CDKL5: variants seen among roughly 807,000 people sequenced by gnomAD.
CDKL5 encodes the protein cyclin dependent kinase like 5.
In CDKL5, 8 loss-of-function variants were observed where a neutral mutation model predicts 61.7. The observed-to-expected ratio is 0.13, with a 90% CI of 0.08 to 0.23. The LOEUF is 0.23. Ranked by LOEUF, CDKL5 falls within the 10% of genes least tolerant of loss-of-function variation. CDKL5 has a pLI of 1.00. For missense variants in CDKL5, 440 were observed against 734.5 expected, an observed-to-expected ratio of 0.60 and a Z score of 4.63; for synonymous variants, 275 against 272.3, an observed-to-expected ratio of 1.01 and a Z score of -0.10.
chrX:18,433,366 A>G (rs2147617799), intron 1 of CDKL5, among the ~76,000 whole-genome samples: 3 of 112,126 alleles, frequency 2.7e-5, no homozygotes, highest in South Asian at 7.4e-4. Flanking sequence ...CAGCCTGACC[A>G]ACATGGAGAA....
intron 9 of CDKL5, among the ~76,000 whole-genome samples, chrX:18,594,684 G>A (rs1925933549): frequency 8.9e-6 from 1 of 112,502 alleles, no homozygotes. Flanking sequence ...AGAATCATGT[G>A]TATAAGCAGA....
rs765414055 is a variant in CDKL5 at position 18,530,124 on chromosome X, C to T, written c.99+19270C>T. On this transcript the variant is annotated intron_variant, in intron 3 of 17. Transcript: ENST00000623535. ...CAGGCGGATCACAAGGTCAAAAGAT[C>T]GAGACCATCCTGGCGAACGTGGTGA... Among the ~76,000 whole-genome samples, 19 of 107,760 alleles carry T rather than the reference C, an allele frequency of 1.8e-4. No individual in the cohort carries two copies. The East Asian group carries it at 5.2e-3, about 30-fold the overall frequency. The allele number at this position is 107,760 out of a possible 115,157, so 93.6% of individuals were successfully genotyped here.
chrX:18,428,723 GT>G (rs150749996), intron 1 of CDKL5, among the ~76,000 whole-genome samples: 2,450 of 91,281 alleles, frequency 0.027, 34 homozygotes, highest in Middle Eastern at 0.051. Context: ...AGATTTTAAA[GT>G]TTTTTTTTTT....
At position 18,633,974 on chromosome X, in the gene CDKL5, A is replaced by T; in HGVS notation, c.*5217A>T. 1.3e-6 allele frequency: 1 copy of T among 754,251 alleles called. No homozygotes were observed. Among genetic ancestry groups the T allele is most frequent in the Non-Finnish European group, 1.6e-6 (1 of 639,373 alleles). The allele number at this position is 754,251 out of a possible 1,213,427, so 62.2% of individuals were successfully genotyped here. A position where few individuals can be genotyped will look rare whatever the true frequency, so the allele number is the denominator to read the frequency against. ...GTTTGTCTCATTTTGCCAGAAAAAAATTGTAATAGTCGGCACGCTGGATTT... is the reference window on the plus strand; with the variant it reads ...GTTTGTCTCATTTTGCCAGAAAAAATTTGTAATAGTCGGCACGCTGGATTT... On this transcript the variant is annotated 3_prime_UTR_variant, in exon 18 of 18. Coordinates refer to ENST00000623535, the MANE Select transcript of CDKL5 (RefSeq NM_001323289.2).
intron 17 of CDKL5, 107 bp from the exon 18 acceptor site, chrX:18,628,264 G>T: frequency 5.0e-6 from 4 of 792,688 alleles, no homozygotes; most frequent in Non-Finnish European, 7.7e-6. Context: ...GCACATGCTT[G>T]CCCTTCCTGG....
At chrX:18,620,658 A>G (rs1181287345) in intron 16 of CDKL5, among the ~76,000 whole-genome samples, 1 of 111,856 alleles carries the variant, frequency 8.9e-6, no homozygotes, top group Non-Finnish European at 1.9e-5. Flanking sequence ...GTAGGACAGC[A>G]GCAGGAGTAG....
chrX:18,458,548 C>T (rs757213914), intron 1 of CDKL5, among the ~76,000 whole-genome samples: 9 of 111,097 alleles, frequency 8.1e-5, no homozygotes, highest in Non-Finnish European at 1.5e-4. Context: ...AATCCCCCCC[C>T]ACCCCAAAAT....
At chrX:18,569,283 C>T (rs771891886) in intron 4 of CDKL5, among the ~76,000 whole-genome samples, 6 of 110,950 alleles carry the variant, frequency 5.4e-5, no homozygotes, top group Non-Finnish European at 9.4e-5. Context: ...ATAAGTTTGG[C>T]TATTAAGTTC....
chrX:18,477,224 G>A (rs1375574448), intron 1 of CDKL5, among the ~76,000 whole-genome samples: 3 of 111,390 alleles, frequency 2.7e-5, no homozygotes, highest in Non-Finnish European at 3.8e-5. Flanking sequence ...GTGCCACCAC[G>A]CCTGGCTAAT....
chrX:18,463,104 G>A (rs1249921432), intron 1 of CDKL5, among the ~76,000 whole-genome samples: 1 of 110,634 alleles, frequency 9.0e-6, no homozygotes, highest in Non-Finnish European at 1.9e-5. Context: ...GAGCAACACA[G>A]CTGGGATGAG....
intron 3 of CDKL5, among the ~76,000 whole-genome samples, chrX:18,545,950 G>A (rs905376856): frequency 1.8e-5 from 2 of 111,756 alleles, no homozygotes; most frequent in African/African-American, 6.5e-5. Flanking sequence ...TAGAACTTCC[G>A]ATTAGTTCAT....
intron 1 of CDKL5, among the ~76,000 whole-genome samples, chrX:18,448,862 T>G (rs1931942277): frequency 8.9e-6 from 1 of 111,770 alleles, no homozygotes; most frequent in African/African-American, 3.3e-5. Flanking sequence ...TTAAATTTAT[T>G]TATTTATTTT....
chrX:18,514,662 G>T (rs1425525932), intron 3 of CDKL5, among the ~76,000 whole-genome samples: 1 of 99,684 alleles, frequency 1.0e-5, no homozygotes, highest in East Asian at 3.1e-4. Flanking sequence ...AACCGATATC[G>T]CACCACTGCA....
chrX:18,486,756 C>G (rs1020525013), intron 1 of CDKL5, among the ~76,000 whole-genome samples: 5 of 111,414 alleles, frequency 4.5e-5, no homozygotes, highest in Admixed American at 2.9e-4. Context: ...ATCAAGGCAC[C>G]TTGTTGAAAC....
intron 1 of CDKL5, among the ~76,000 whole-genome samples, chrX:18,482,745 A>G (rs1314192641): frequency 9.3e-6 from 1 of 107,285 alleles, no homozygotes; most frequent in Non-Finnish European, 1.9e-5. Context: ...AGGTATCTTT[A>G]CTTACGTAAC....
chrX:18,648,717 C>T (rs1927898481), intron 20 of CDKL5, among the ~76,000 whole-genome samples: 1 of 112,002 alleles, frequency 8.9e-6, no homozygotes, highest in Non-Finnish European at 1.9e-5. Flanking sequence ...TTGCTTGCCC[C>T]TTCTTTTTTC....
At chrX:18,426,862 C>G (rs1931378396) in intron 1 of CDKL5, 1 of 112,400 alleles carries the variant, frequency 8.9e-6, no homozygotes, top group Non-Finnish European at 1.9e-5. Context: ...CAGCTTGTTT[C>G]TTTCTTGCTG....
At chrX:18,507,309 T>C (rs1922613662) in intron 2 of CDKL5, 149 bp downstream of exon 2, 1 of 423,775 alleles carries the variant, frequency 2.4e-6, no homozygotes, top group Non-Finnish European at 4.1e-6. Context: ...ATAAAATTAC[T>C]CTTAAACAAT....
At chrX:18,651,220 AGTGTGT>A (rs3838188) in intron 21 of CDKL5, among the ~76,000 whole-genome samples, 1,527 of 65,097 alleles carry the variant, frequency 0.023, 35 homozygotes, top group African/African-American at 0.054. Flanking sequence ...GGCAGGAGCA[AGTGTGT>A]GTGTGTGTGT....
Sources: gnomAD v4.1 joint callset for allele counts (sites outside exome capture counted in the v4.1 genomes callset) on GRCh38, gnomAD v4.1.1 for gene constraint, MANE v1.5 for transcripts, NCBI Gene and HGNC (gene_info 2026-07-23, HGNC 2026-07-21) for gene names.